Variants in AGTPBP1 observed in about 807,000 individuals in gnomAD.
The protein encoded by AGTPBP1 is ATP/GTP binding carboxypeptidase 1, also known as cytosolic carboxypeptidase 1.
A neutral mutation model predicts 143.9 loss-of-function variants in AGTPBP1; 70 were observed. The ratio of observed to expected loss-of-function variants is 0.49; its 90% CI spans 0.40 to 0.59. The LOEUF is 0.59. AGTPBP1 is among the 20% of genes least tolerant of loss of function. AGTPBP1 has a pLI of 0.00. For missense variants in AGTPBP1, 1,229 were observed against 1,464.5 expected (o/e 0.84, Z 2.62); for synonymous variants, 463 against 500.2 (o/e 0.93, Z 0.99).
chr9:85,797,347 C>T, the AGTPBP1 span, among the ~76,000 whole-genome samples: 61 of 152,160 alleles, frequency 4.0e-4, no homozygotes, highest in South Asian at 8.1e-3. Flanking sequence ...TGAGCTCAAG[C>T]CATCCTCCTG....
rs373884305 is a variant in AGTPBP1 at position 85,550,192 on chromosome 9, TGTGAGAGAGAGA to T, written c.3504-2918_3504-2907del. Among the ~76,000 whole-genome samples, 48 of 145,368 alleles carry T rather than the reference TGTGAGAGAGAGA, an allele frequency of 3.3e-4. 1 individual carries two copies. The highest frequency in any genetic ancestry group is 1.2e-3 in the African/African-American group (47 of 38,430). On this transcript the variant is annotated intron_variant, in intron 25 of 25. Coordinates refer to ENST00000357081, the MANE Select transcript of AGTPBP1 (RefSeq NM_001330701.2). ...ACAAGAGTTTGTGAGTGTGTGTGTG[TGTGAGAGAGAGA>T]GAGAGAGAGAGAGAAAGATATCAGG... is the stretch of plus-strand genomic sequence containing the variant.
intron 14 of AGTPBP1, among the ~76,000 whole-genome samples, chr9:85,627,697 T>A (rs965248669): frequency 9.2e-5 from 14 of 152,178 alleles, no homozygotes; most frequent in African/African-American, 3.4e-4. Context: ...GACCAACCTA[T>A]CCTTCTTCTT....
At chr9:85,746,741 A>C (rs564542968), upstream of AGTPBP1, among the ~76,000 whole-genome samples, 7 of 152,250 alleles carry the variant, frequency 4.6e-5, no homozygotes, top group African/African-American at 1.7e-4. Flanking sequence ...AGTGGATTTC[A>C]GGTACTCTTA....
chr9:85,548,132 C>T (rs1825830861), intron 25 of AGTPBP1, among the ~76,000 whole-genome samples: 1 of 152,036 alleles, frequency 6.6e-6, no homozygotes, highest in Non-Finnish European at 1.5e-5. Flanking sequence ...CCACCTGCTA[C>T]CAAAAAGGAT....
At chr9:85,687,917 C>G (rs1373082999) in intron 3 of AGTPBP1, among the ~76,000 whole-genome samples, 1 of 151,374 alleles carries the variant, frequency 6.6e-6, no homozygotes, top group African/African-American at 2.4e-5. Context: ...CGGTGAAACC[C>G]CGTCTCTACT....
intron 17 of AGTPBP1, among the ~76,000 whole-genome samples, chr9:85,611,399 A>C (rs1191711693): frequency 6.6e-6 from 1 of 151,916 alleles, no homozygotes; most frequent in African/African-American, 2.4e-5. Flanking sequence ...GCAAATTCAA[A>C]CCAATATAAA....
Position 85,546,972 on chromosome 9 carries a change from T to G in AGTPBP1, c.*137A>C. 1 of 816,664 alleles carries G rather than the reference T, an allele frequency of 1.2e-6. No homozygotes were observed. The highest frequency in any genetic ancestry group is 1.7e-6 in the Non-Finnish European group (1 of 578,420). 50.6% of individuals were successfully genotyped at this position (816,664 alleles called of 1,614,324 possible). ...TTAATTAATAACACATTTATTATCT[T>G]GAAACCAAACTGGCCCAAGTTACTT... On this transcript the variant is annotated 3_prime_UTR_variant, in exon 26 of 26. Transcript: ENST00000357081.
intron 25 of AGTPBP1, among the ~76,000 whole-genome samples, chr9:85,567,545 T>C (rs1827190212): frequency 6.6e-6 from 1 of 152,060 alleles, no homozygotes; most frequent in Non-Finnish European, 1.5e-5. Context: ...TGAGTCGAGA[T>C]CGCGCCACTG....
At chr9:85,634,193 CAAAAAAAAAAAA>C (rs112565067) in intron 13 of AGTPBP1, among the ~76,000 whole-genome samples, 10 of 56,320 alleles carry the variant, frequency 1.8e-4, no homozygotes, top group South Asian at 6.3e-4. Context: ...GACTCTCTCT[CAAAAAAAAAAAA>C]AAAAAAAAAA....
intron 5 of AGTPBP1, among the ~76,000 whole-genome samples, chr9:85,677,861 A>T (rs1272138624): frequency 6.6e-6 from 1 of 151,968 alleles, no homozygotes; most frequent in African/African-American, 2.4e-5. Flanking sequence ...AAAATTAGCC[A>T]GGCATGGTGG....
At chr9:85,792,282 T>C in the AGTPBP1 span, 1 of 152,244 alleles carries the variant, frequency 6.6e-6, no homozygotes, top group Non-Finnish European at 1.5e-5. Context: ...AGGAGTTATC[T>C]GAGTTCAACT....
chr9:85,759,991 C>T, the AGTPBP1 span, among the ~76,000 whole-genome samples: 2 of 152,072 alleles, frequency 1.3e-5, no homozygotes, highest in Admixed American at 6.6e-5. Flanking sequence ...CTATAAACAC[C>T]TCTACGCAAA....
chr9:85,766,968 T>C, the AGTPBP1 span, among the ~76,000 whole-genome samples: 1 of 151,472 alleles, frequency 6.6e-6, no homozygotes, highest in Non-Finnish European at 1.5e-5. Context: ...GTTACACTAA[T>C]AGAAGATTAC....
Position 85,736,156 on chromosome 9 carries a change from C to T in AGTPBP1, c.-34+5619G>A, listed in dbSNP as rs149818401. Among the ~76,000 whole-genome samples, 1,155 of 152,118 alleles carry T rather than the reference C, an allele frequency of 7.6e-3. 48 individuals are homozygous for T. The highest frequency in any genetic ancestry group is 0.07 in the Admixed American group (1,067 of 15,276). On this transcript the variant is annotated intron_variant, in intron 1 of 25. Transcript: ENST00000357081. ...GAACATTTATATAGAAATGTACTAC[C>T]GGGTCTGATTTTTGTTTTTAGATGG...
At chr9:85,589,749 C>A (rs535428011) in intron 19 of AGTPBP1, 68 bp from the exon 20 acceptor site, 1 of 1,390,062 alleles carries the variant, frequency 7.2e-7, no homozygotes, top group African/African-American at 1.5e-5. Context: ...AGAAATAATG[C>A]ATCCAGATCT....
Position 85,672,686 on chromosome 9 carries a change from T to A in AGTPBP1, c.437-5A>T, listed in dbSNP as rs757647456. The A allele has an allele frequency of 7.6e-6, 12 of 1,571,578 alleles. No individual in the cohort carries two copies. The African/African-American group carries it at 1.7e-4, about 22-fold the overall frequency. ...CCTTTACTCCAAATTTTTTATCTGTTTAAAAAAAAAAAAGACAATTTATGC... is the reference window on the plus strand; with the variant it reads ...CCTTTACTCCAAATTTTTTATCTGTATAAAAAAAAAAAAGACAATTTATGC... On this transcript the variant is annotated splice_region_variant and splice_polypyrimidine_tract_variant and intron_variant, in intron 6 of 25. Transcript: ENST00000357081.
chr9:85,551,303 A>G (rs1397331895), intron 25 of AGTPBP1, among the ~76,000 whole-genome samples: 1 of 152,126 alleles, frequency 6.6e-6, no homozygotes, highest in Non-Finnish European at 1.5e-5. Context: ...TTCTTCCCCT[A>G]AATACTCTTT....
At chr9:85,752,679 G>A in the AGTPBP1 span, among the ~76,000 whole-genome samples, 1 of 152,084 alleles carries the variant, frequency 6.6e-6, no homozygotes, top group Non-Finnish European at 1.5e-5. Flanking sequence ...TAATCACTGT[G>A]TACCTCACGA....
At chr9:85,562,521 A>G (rs1254205676) in intron 25 of AGTPBP1, among the ~76,000 whole-genome samples, 2 of 152,220 alleles carry the variant, frequency 1.3e-5, no homozygotes, top group Non-Finnish European at 2.9e-5. Flanking sequence ...AAGCTTTTCC[A>G]ATTAAAATAA....
Sources: gnomAD v4.1 joint callset for allele counts (sites outside exome capture counted in the v4.1 genomes callset) on GRCh38, gnomAD v4.1.1 for gene constraint, MANE v1.5 for transcripts, NCBI Gene and HGNC (gene_info 2026-07-23, HGNC 2026-07-21) for gene names.